SAMD12: variants seen among roughly 807,000 people sequenced by gnomAD.
The protein encoded by SAMD12 is sterile alpha motif domain-containing protein 12.
SAMD12 carries 9 observed loss-of-function variants against 15.0 expected under a neutral mutation model. The observed-to-expected ratio is 0.60, with a 90% confidence interval of 0.36 to 1.05. The LOEUF is 1.05. Ranked by LOEUF, SAMD12 falls within the 50% of genes least tolerant of loss-of-function variation. The pLI, the probability that SAMD12 is intolerant of heterozygous loss-of-function variation, is 0.01. For missense variants in SAMD12, 230 were observed against 234.2 expected (o/e 0.98, Z 0.12); for synonymous variants, 86 against 90.1 (o/e 0.96, Z 0.25).
intron 4 of SAMD12, among the ~76,000 whole-genome samples, chr8:118,333,584 C>G (rs1816904899): frequency 6.6e-6 from 1 of 151,366 alleles, no homozygotes; most frequent in African/African-American, 2.4e-5. Flanking sequence ...AAGTTAGGGC[C>G]AAGAAGGAGT....
At chr8:118,276,408 C>A (rs981883487) in intron 4 of SAMD12, among the ~76,000 whole-genome samples, 3 of 152,072 alleles carry the variant, frequency 2.0e-5, no homozygotes, top group African/African-American at 7.2e-5. Context: ...TTAATTCTGT[C>A]TTTTGATATT....
chr8:118,593,883 T>C (rs1175972619), intron 1 of SAMD12, among the ~76,000 whole-genome samples: 2 of 152,214 alleles, frequency 1.3e-5, no homozygotes, highest in Non-Finnish European at 2.9e-5. Flanking sequence ...ATTCTAAAAA[T>C]GTAGTTCTTT....
intron 2 of SAMD12, among the ~76,000 whole-genome samples, chr8:118,482,660 C>G (rs1466740140): frequency 6.6e-6 from 1 of 152,142 alleles, no homozygotes; most frequent in Non-Finnish European, 1.5e-5. Context: ...ATATGAGGAA[C>G]TTGGGCATCC....
chr8:118,360,232 T>C (rs1457275778), intron 4 of SAMD12, among the ~76,000 whole-genome samples: 1 of 152,206 alleles, frequency 6.6e-6, no homozygotes, highest in Non-Finnish European at 1.5e-5. Context: ...CAAATATCTT[T>C]ACTGTAACAA....
At chr8:118,172,229 A>G in the SAMD12 span, among the ~76,000 whole-genome samples, 1 of 152,142 alleles carries the variant, frequency 6.6e-6, no homozygotes, top group Non-Finnish European at 1.5e-5. Flanking sequence ...CATTGTGCAC[A>G]TGTACCCTAG....
At chr8:118,199,030 A>G (rs2129763717) in intron 4 of SAMD12, among the ~76,000 whole-genome samples, 1 of 152,338 alleles carries the variant, frequency 6.6e-6, no homozygotes. Flanking sequence ...CAAGATGGAT[A>G]ATTACATGGC....
chr8:118,489,097 T>C (rs532431015), intron 2 of SAMD12, among the ~76,000 whole-genome samples: 2 of 152,316 alleles, frequency 1.3e-5, no homozygotes, highest in South Asian at 4.1e-4. Flanking sequence ...TGCTTTTCTG[T>C]GATAAGTAAT....
chr8:118,500,067 CTTTTT>C (rs563321387), intron 2 of SAMD12, among the ~76,000 whole-genome samples: 1,187 of 72,528 alleles, frequency 0.016, 11 homozygotes, highest in African/African-American at 0.064. Context: ...TGAGTTTTGC[CTTTTT>C]TTTTTTTTTT....
At chr8:118,497,745 A>AC (rs1824666306) in intron 2 of SAMD12, among the ~76,000 whole-genome samples, 1 of 137,508 alleles carries the variant, frequency 7.3e-6, no homozygotes, top group Non-Finnish European at 1.7e-5. Context: ...GGGGGAAAGA[A>AC]AAAAAAAAAA....
rs994976379 is a variant in SAMD12 at position 118,497,599 on chromosome 8, T to C, written c.193-57638A>G. The stretch of plus-strand genomic sequence containing the variant: ...AGTGTGGGAGGAGGGGGAGGTTACC[T>C]ATAGGGCACTATGCTCACTACCTGG... On this transcript the variant is annotated intron_variant, in intron 2 of 3. Coordinates refer to ENST00000314727, the MANE Select transcript of SAMD12 (RefSeq NM_207506.3). Among the ~76,000 whole-genome samples the C allele has an allele frequency of 2.6e-5, 4 of 151,532 alleles. 1 individual carries two copies. The East Asian group carries it at 7.8e-4, about 29-fold the overall frequency.
chr8:118,162,155 G>T, the SAMD12 span, among the ~76,000 whole-genome samples: 2 of 81,144 alleles, frequency 2.5e-5, no homozygotes, highest in South Asian at 7.5e-4. Context: ...GCAAGACTCT[G>T]TCTCAAAAAA....
In SAMD12 at chr8:118,497,657, G is replaced by A. The variant is rs1484464660; in HGVS notation, c.193-57696C>T. Among the ~76,000 whole-genome samples, 7 of 116,170 alleles carry A rather than the reference G, an allele frequency of 6.0e-5. No homozygotes were observed. The East Asian group carries it at 9.0e-4, about 15-fold the overall frequency. 76.2% of individuals were successfully genotyped at this position (116,170 alleles called of 152,430 possible). The stretch of plus-strand genomic sequence containing the variant: ...AGTCATTTGTACACCAAACCCCAGC[G>A]ACACAAAATTTACCAATGTAACATA... On this transcript the variant is annotated intron_variant, in intron 2 of 3. Transcript: ENST00000314727.
At chr8:118,177,636 T>C in the SAMD12 span, among the ~76,000 whole-genome samples, 2 of 152,126 alleles carry the variant, frequency 1.3e-5, no homozygotes, top group South Asian at 4.1e-4. Context: ...GGCAGGAGGA[T>C]TGCTCAATCC....
At chr8:118,526,675 G>A (rs1398154346) in intron 2 of SAMD12, among the ~76,000 whole-genome samples, 1 of 152,128 alleles carries the variant, frequency 6.6e-6, no homozygotes, top group Admixed American at 6.5e-5. Context: ...CAAGGTGAGG[G>A]CACAGTTAAC....
intron 3 of SAMD12, among the ~76,000 whole-genome samples, chr8:118,382,148 T>C (rs186762569): frequency 1.6e-4 from 24 of 152,338 alleles, no homozygotes; most frequent in African/African-American, 5.8e-4. Flanking sequence ...CATAAACTTA[T>C]AAATACTGCA....
At chr8:118,362,760 C>G (rs141657003) in intron 4 of SAMD12, among the ~76,000 whole-genome samples, 1 of 152,332 alleles carries the variant, frequency 6.6e-6, no homozygotes, top group Non-Finnish European at 1.5e-5. Context: ...TATGCCAAAT[C>G]AATTTCAATT....
intron 4 of SAMD12, among the ~76,000 whole-genome samples, chr8:118,223,948 A>C (rs1812133903): frequency 6.6e-6 from 1 of 152,194 alleles, no homozygotes; most frequent in Non-Finnish European, 1.5e-5. Context: ...ATCAATAAAC[A>C]AGTAAGGGTA....
intron 4 of SAMD12, among the ~76,000 whole-genome samples, chr8:118,330,213 C>G (rs769837772): frequency 1.3e-5 from 2 of 152,098 alleles, no homozygotes; most frequent in Non-Finnish European, 2.9e-5. Flanking sequence ...GATGTAGCTA[C>G]GTTGGATTTA....
At position 118,379,611 on chromosome 8, in the gene SAMD12, G is replaced by A. The variant is rs757239570; in HGVS notation, c.412C>T (p.Leu138Phe). 2.5e-6 allele frequency: 4 copies of A among 1,613,976 alleles called. No individual in the cohort carries two copies. The Admixed American group carries it at 6.7e-5, about 27-fold the overall frequency. ...NLRQHILQQV[L>F]QLKVREEVRN... is the part of the protein sequence containing the mutation. The stretch of plus-strand genomic sequence containing the variant: ...ACTTCTTCTCGCACCTTCAGCTGGA[G>A]CACCTGTTGTAAGATGTGCTGCCGG... The change falls in exon 4 of 4, where the codon CTC becomes TTC. Residue 138 changes from leucine (L) to phenylalanine (F), a missense_variant. Transcript: ENST00000314727.
Sources: allele counts gnomAD v4.1 joint callset (sites outside exome capture counted in the v4.1 genomes callset), GRCh38; gene constraint gnomAD v4.1.1; transcripts MANE v1.5; gene names NCBI Gene and HGNC (gene_info 2026-07-23, HGNC 2026-07-21).